DGKB: variants seen among roughly 807,000 people sequenced by gnomAD.
DGKB encodes 90 kDa diacylglycerol kinase.
In DGKB, 67 loss-of-function variants were observed where a neutral mutation model predicts 114.3. That is an observed-to-expected ratio of 0.59 (90% confidence interval 0.48 to 0.72). The LOEUF is 0.72. DGKB is among the 30% of genes least tolerant of loss of function. The pLI is 0.00. For synonymous variants in DGKB, 398 were observed against 323.1 expected, an observed-to-expected ratio of 1.23 and a Z score of -2.49; for missense variants, 907 against 975.2, an observed-to-expected ratio of 0.93 and a Z score of 0.93.
At chr7:14,219,900 T>C (rs1052386165) in intron 23 of DGKB, among the ~76,000 whole-genome samples, 3 of 151,800 alleles carry the variant, frequency 2.0e-5, no homozygotes, top group Non-Finnish European at 4.4e-5. Flanking sequence ...TTTATAGTTT[T>C]AGATCTTACA....
chr7:14,915,654 T>C (rs1784206244), intron 1 of DGKB, among the ~76,000 whole-genome samples: 1 of 151,968 alleles, frequency 6.6e-6, no homozygotes, highest in South Asian at 2.1e-4. Context: ...AAGAAGAAAG[T>C]GGAGACAAGT....
At chr7:14,618,806 T>C (rs573351194) in intron 15 of DGKB, among the ~76,000 whole-genome samples, 2 of 151,478 alleles carry the variant, frequency 1.3e-5, no homozygotes, top group African/African-American at 4.8e-5. Flanking sequence ...ATTAATAGTC[T>C]TCTTTAAGCA....
chr7:14,646,736 T>A (rs972697971), intron 13 of DGKB, among the ~76,000 whole-genome samples: 1 of 151,080 alleles, frequency 6.6e-6, no homozygotes, highest in Non-Finnish European at 1.5e-5. Context: ...TGCTCCTGAA[T>A]GACAAACAGG....
intron 12 of DGKB, among the ~76,000 whole-genome samples, chr7:14,680,966 G>C (rs113923343): frequency 4.0e-5 from 6 of 151,724 alleles, no homozygotes; most frequent in African/African-American, 7.3e-5. Context: ...GAGATACAAA[G>C]AAGAAATTAT....
At chr7:14,674,602 T>C (rs1378953545) in intron 12 of DGKB, among the ~76,000 whole-genome samples, 1 of 152,120 alleles carries the variant, frequency 6.6e-6, no homozygotes, top group Non-Finnish European at 1.5e-5. Flanking sequence ...TAATTGGAAA[T>C]ACGGTCTTTC....
chr7:14,354,943 G>C (rs1814160460), intron 21 of DGKB, among the ~76,000 whole-genome samples: 1 of 152,158 alleles, frequency 6.6e-6, no homozygotes, highest in African/African-American at 2.4e-5. Context: ...AGATGAGAGT[G>C]AGACTCTGGA....
At chr7:14,317,119 T>C (rs1201350773) in intron 23 of DGKB, among the ~76,000 whole-genome samples, 1 of 77,940 alleles carries the variant, frequency 1.3e-5, no homozygotes, top group African/African-American at 6.2e-5. Context: ...AAATTAGGTA[T>C]TGATGGGACA....
At chr7:14,304,374 G>C (rs935432169) in intron 23 of DGKB, among the ~76,000 whole-genome samples, 2 of 151,832 alleles carry the variant, frequency 1.3e-5, no homozygotes, top group African/African-American at 4.8e-5. Flanking sequence ...GCACCATTAA[G>C]AGCATTTTGT....
At chr7:14,560,280 C>A (rs960026151) in intron 20 of DGKB, among the ~76,000 whole-genome samples, 1 of 152,080 alleles carries the variant, frequency 6.6e-6, no homozygotes, top group African/African-American at 2.4e-5. Flanking sequence ...AGTATAGGTA[C>A]AATGTTTTAC....
intron 10 of DGKB, among the ~76,000 whole-genome samples, chr7:14,684,032 G>A (rs1042156310): frequency 1.3e-5 from 2 of 152,026 alleles, no homozygotes; most frequent in Admixed American, 1.3e-4. Context: ...TAAAAACAAA[G>A]TACTTCCTTT....
At chr7:14,808,043 T>C (rs962480751) in intron 2 of DGKB, among the ~76,000 whole-genome samples, 5 of 152,042 alleles carry the variant, frequency 3.3e-5, no homozygotes, top group African/African-American at 1.2e-4. Context: ...TTGTCAACCA[T>C]TTACAATGTA....
intron 1 of DGKB, among the ~76,000 whole-genome samples, chr7:14,956,119 G>A (rs756223231): frequency 6.6e-6 from 1 of 151,866 alleles, no homozygotes; most frequent in Non-Finnish European, 1.5e-5. Context: ...ACTCATCTCA[G>A]GGTAACTTTA....
intron 23 of DGKB, among the ~76,000 whole-genome samples, chr7:14,312,540 T>G (rs1805584339): frequency 6.6e-6 from 1 of 152,200 alleles, no homozygotes; most frequent in Non-Finnish European, 1.5e-5. Flanking sequence ...ATATTTACTC[T>G]TGAGTACAAT....
intron 20 of DGKB, among the ~76,000 whole-genome samples, chr7:14,552,407 G>C (rs1007334802): frequency 1.3e-5 from 2 of 152,168 alleles, no homozygotes; most frequent in African/African-American, 2.4e-5. Flanking sequence ...GTCAGAAGTA[G>C]TTAAGAAATG....
At chr7:14,834,761 C>A (rs1378566019) in intron 2 of DGKB, among the ~76,000 whole-genome samples, 2 of 152,160 alleles carry the variant, frequency 1.3e-5, no homozygotes, top group Non-Finnish European at 1.5e-5. Flanking sequence ...ACCAACATTC[C>A]ACAGATGCCA....
intron 23 of DGKB, among the ~76,000 whole-genome samples, chr7:14,260,092 AC>A (rs1796537914): frequency 1.6e-5 from 1 of 62,006 alleles, no homozygotes; most frequent in East Asian, 4.2e-4. Flanking sequence ...ATGTGTACAC[AC>A]ACACACACAC....
At chr7:14,279,537 T>C (rs1799576190) in intron 23 of DGKB, among the ~76,000 whole-genome samples, 1 of 152,158 alleles carries the variant, frequency 6.6e-6, no homozygotes, top group Non-Finnish European at 1.5e-5. Context: ...GGAGATGAAA[T>C]TCTGGGTTGA....
chr7:14,318,889 A>G (rs1414654072), intron 23 of DGKB, among the ~76,000 whole-genome samples: 1 of 152,190 alleles, frequency 6.6e-6, no homozygotes, highest in Non-Finnish European at 1.5e-5. Flanking sequence ...AACCAACCCA[A>G]ATGTCCCACA....
chr7:14,681,137 C>A (rs1820755939), intron 12 of DGKB, among the ~76,000 whole-genome samples: 1 of 151,450 alleles, frequency 6.6e-6, no homozygotes, highest in South Asian at 2.1e-4. Flanking sequence ...TTTTAAAAAT[C>A]TACATGAATG....
Sources: gnomAD v4.1 joint callset for allele counts (sites outside exome capture counted in the v4.1 genomes callset) on GRCh38, gnomAD v4.1.1 for gene constraint, MANE v1.5 for transcripts, NCBI Gene and HGNC (gene_info 2026-07-23, HGNC 2026-07-21) for gene names.